CFAP43: variants seen among roughly 807,000 people sequenced by gnomAD.
The protein encoded by CFAP43 is cilia- and flagella-associated protein 43.
CFAP43 carries 155 observed loss-of-function variants against 218.9 expected under a neutral mutation model. The observed-to-expected ratio is 0.71, with a 90% CI of 0.62 to 0.81. CFAP43 has a LOEUF of 0.81. Ranked by LOEUF, CFAP43 falls within the 30% of genes least tolerant of loss-of-function variation. CFAP43 has a pLI of 0.00. For missense variants in CFAP43, 1,778 were observed against 1,954.3 expected (o/e 0.91, Z 1.70); for synonymous variants, 645 against 681.3 (o/e 0.95, Z 0.83).
At chr10:104,166,029 C>T (rs960383372) in intron 23 of CFAP43, among the ~76,000 whole-genome samples, 3 of 152,170 alleles carry the variant, frequency 2.0e-5, no homozygotes, top group African/African-American at 4.8e-5. Context: ...GTCTAAAGGA[C>T]ATGGACAGTA....
chr10:104,198,214 T>G (rs2090431416), intron 8 of CFAP43, among the ~76,000 whole-genome samples, 176 bp from the exon 9 acceptor site: 1 of 151,950 alleles, frequency 6.6e-6, no homozygotes, highest in Non-Finnish European at 1.5e-5. Context: ...ACACTTGATT[T>G]GTTTGTTTGT....
chr10:104,187,165 T>G (rs1342068494), intron 14 of CFAP43, among the ~76,000 whole-genome samples, 155 bp downstream of exon 14: 2 of 152,252 alleles, frequency 1.3e-5, no homozygotes, highest in Non-Finnish European at 2.9e-5. Flanking sequence ...CAAATAACAC[T>G]ATATATCTAG....
At chr10:104,225,857 C>A (rs940925309) in intron 2 of CFAP43, among the ~76,000 whole-genome samples, 1 of 152,038 alleles carries the variant, frequency 6.6e-6, no homozygotes, top group Non-Finnish European at 1.5e-5. Flanking sequence ...CTGAAATGAC[C>A]CAAGAATAAT....
intron 30 of CFAP43, among the ~76,000 whole-genome samples, 173 bp downstream of exon 30, chr10:104,146,090 A>G (rs187701439): frequency 6.6e-6 from 1 of 152,382 alleles, no homozygotes; most frequent in East Asian, 1.9e-4. Context: ...AATTCATTTT[A>G]CACATGGATT....
At chr10:104,176,589 C>A (rs1323343690) in intron 19 of CFAP43, among the ~76,000 whole-genome samples, 1 of 152,208 alleles carries the variant, frequency 6.6e-6, no homozygotes, top group Non-Finnish European at 1.5e-5. Context: ...CCACATAAAA[C>A]AGCAATTGCA....
chr10:104,193,136 C>T (rs1424426474), intron 11 of CFAP43: 2 of 152,034 alleles, frequency 1.3e-5, no homozygotes, highest in East Asian at 3.8e-4. Context: ...CCTACAAGTC[C>T]AAATCTAATG....
chr10:104,231,272 A>G (rs2091441539), intron 1 of CFAP43, among the ~76,000 whole-genome samples: 1 of 152,220 alleles, frequency 6.6e-6, no homozygotes, highest in African/African-American at 2.4e-5. Flanking sequence ...ACAACTTTGC[A>G]TAGGACAGCC....
intron 3 of CFAP43, among the ~76,000 whole-genome samples, chr10:104,221,290 T>A (rs994232829): frequency 6.6e-6 from 1 of 152,208 alleles, no homozygotes; most frequent in African/African-American, 2.4e-5. Context: ...TGTGTTCTTT[T>A]AAGCACTCAG....
intron 3 of CFAP43, among the ~76,000 whole-genome samples, chr10:104,220,222 T>G (rs1233993912): frequency 2.0e-5 from 3 of 152,116 alleles, no homozygotes; most frequent in African/African-American, 7.2e-5. Flanking sequence ...GGGGGCAGAT[T>G]CTCTCTCACA....
intron 5 of CFAP43, among the ~76,000 whole-genome samples, chr10:104,210,062 G>C (rs569310087): frequency 6.6e-6 from 1 of 152,098 alleles, no homozygotes; most frequent in Admixed American, 6.5e-5. Context: ...CAATGTAAAT[G>C]TTTTATAAAT....
At chr10:104,177,654 TG>T (rs1175127072) in intron 19 of CFAP43, among the ~76,000 whole-genome samples, 1 of 152,208 alleles carries the variant, frequency 6.6e-6, no homozygotes, top group Non-Finnish European at 1.5e-5. Context: ...AGTCTTGGTT[TG>T]TACCAGCAAA....
chr10:104,203,699 A>T lies in CFAP43; in HGVS notation c.1068T>A (p.Tyr356Ter). ...PVEHMTFSPN[Y>*]TVLLIQTDKG... Reference sequence around the variant, plus strand: ...TGTCTGTTTGAATCAGCAACACTGTATAATTGGGAGAAAATGTCATATGTT... The same window carrying T: ...TGTCTGTTTGAATCAGCAACACTGTTTAATTGGGAGAAAATGTCATATGTT... The change falls in exon 8 of 38, where the codon TAT (tyrosine) becomes TAA (stop). Residue 356 changes from tyrosine to a stop codon, truncating the protein, a stop_gained. Transcript: ENST00000357060. LOFTEE classifies it high-confidence loss of function. 1.2e-6 allele frequency: 2 copies of T among 1,610,908 alleles called. No individual in the cohort carries two copies. Among genetic ancestry groups the T allele is most frequent in the Non-Finnish European group, 1.7e-6 (2 of 1,178,730 alleles).
At chr10:104,186,216 T>C (rs1178418916) in intron 14 of CFAP43, 93 bp from the exon 15 acceptor site, 3 of 1,076,214 alleles carry the variant, frequency 2.8e-6, no homozygotes, top group Admixed American at 5.8e-5. Flanking sequence ...TATATTGTCA[T>C]TGTAAATAAA....
intron 8 of CFAP43, among the ~76,000 whole-genome samples, chr10:104,200,754 CA>C (rs201300598): frequency 0.032 from 4,717 of 146,808 alleles, 85 homozygotes; most frequent in Middle Eastern, 0.05. Context: ...GCATTCCAGA[CA>C]GAGGGAAAAG....
intron 3 of CFAP43, among the ~76,000 whole-genome samples, chr10:104,216,860 T>A: frequency 6.6e-6 from 1 of 152,152 alleles, no homozygotes; most frequent in East Asian, 1.9e-4. Context: ...CCTCAGCCTC[T>A]GCTTTCCAAG....
At chr10:104,211,648 A>G (rs1564803568) in intron 5 of CFAP43, among the ~76,000 whole-genome samples, 1 of 151,892 alleles carries the variant, frequency 6.6e-6, no homozygotes, top group Non-Finnish European at 1.5e-5. Context: ...CCACCGTCCT[A>G]TCTGTGAGAA....
chr10:104,147,258 T>G (rs916901338), intron 29 of CFAP43, among the ~76,000 whole-genome samples: 1 of 151,302 alleles, frequency 6.6e-6, no homozygotes, highest in African/African-American at 2.4e-5. Context: ...TAGAAGAAGC[T>G]TTGCATATGC....
chr10:104,175,478 T>A (rs958852615), intron 19 of CFAP43, among the ~76,000 whole-genome samples: 1 of 152,186 alleles, frequency 6.6e-6, no homozygotes, highest in Admixed American at 6.5e-5. Flanking sequence ...CTCCTCAACT[T>A]ATGATGGGGT....
At chr10:104,196,655 A>G (rs966319036) in intron 10 of CFAP43, among the ~76,000 whole-genome samples, 198 bp downstream of exon 10, 1 of 152,196 alleles carries the variant, frequency 6.6e-6, no homozygotes, top group African/African-American at 2.4e-5. Flanking sequence ...TTCTATAACC[A>G]ATATTGTATG....
Sources: gnomAD v4.1 joint callset for allele counts (sites outside exome capture counted in the v4.1 genomes callset) on GRCh38, gnomAD v4.1.1 for gene constraint, MANE v1.5 for transcripts, NCBI Gene and HGNC (gene_info 2026-07-23, HGNC 2026-07-21) for gene names.